SMARCA2: variants seen among roughly 807,000 people sequenced by gnomAD.
SMARCA2 encodes the protein SWI/SNF-related matrix-associated actin-dependent regulator of chromatin subfamily A member 2.
Under a neutral mutation model 199.8 loss-of-function variants are expected in SMARCA2, and 61 were observed. That is an observed-to-expected ratio of 0.31 (90% CI 0.25 to 0.38). The LOEUF (loss-of-function observed/expected upper bound fraction) is 0.38. Ranked by LOEUF, SMARCA2 falls within the 10% of genes least tolerant of loss-of-function variation. The pLI, the probability that SMARCA2 is intolerant of heterozygous loss-of-function variation, is 1.00. For synonymous variants in SMARCA2, 935 were observed against 732.0 expected (o/e 1.28, Z -4.48); for missense variants, 1,344 against 2,012.2 (o/e 0.67, Z 6.35).
At chr9:2,149,468 C>T (rs565944270) in intron 27 of SMARCA2, among the ~76,000 whole-genome samples, 1 of 151,528 alleles carries the variant, frequency 6.6e-6, no homozygotes, top group Non-Finnish European at 1.5e-5. Context: ...TGCAGTGAGC[C>T]ACGAACATGC....
At chr9:2,062,127 TA>T (rs1254287933) in intron 9 of SMARCA2, among the ~76,000 whole-genome samples, 2 of 152,128 alleles carry the variant, frequency 1.3e-5, no homozygotes, top group African/African-American at 2.4e-5. Context: ...GATGGGGAAA[TA>T]AATCATATAA....
rs779055220 is a variant in SMARCA2, at chr9:2,192,919, A to G, written c.*180A>G. 1.8e-6 allele frequency: 1 copy of G among 567,806 alleles called. No individual in the cohort carries two copies. 35.2% of individuals were successfully genotyped at this position (567,806 alleles called of 1,614,324 possible). Reference sequence around the variant, plus strand: ...ATCATGGTGTAAAAAACACACACATACACAAATATTTGTAACATATTGTGA... The same window carrying G: ...ATCATGGTGTAAAAAACACACACATGCACAAATATTTGTAACATATTGTGA... On this transcript the variant is annotated 3_prime_UTR_variant, in exon 34 of 34. Coordinates refer to ENST00000349721, the MANE Select transcript of SMARCA2 (RefSeq NM_003070.5).
At chr9:2,047,030 C>T (rs1224304815) in intron 4 of SMARCA2, among the ~76,000 whole-genome samples, 199 bp from the exon 5 acceptor site, 1 of 150,464 alleles carries the variant, frequency 6.6e-6, no homozygotes, top group Non-Finnish European at 1.5e-5. Flanking sequence ...TTTCCTTTTA[C>T]CCCGTTCCCT....
chr9:2,116,614 T>C (rs55951047), intron 25 of SMARCA2, among the ~76,000 whole-genome samples: 1 of 152,196 alleles, frequency 6.6e-6, no homozygotes, highest in Admixed American at 6.5e-5. Flanking sequence ...AAATTCTGGT[T>C]AAACAGCCTT....
Position 2,119,668 on chromosome 9 carries a change from G to A in SMARCA2, c.3762+133G>A, listed in dbSNP as rs1477430709. The A allele has an allele frequency of 3.2e-6, 2 of 626,198 alleles. No homozygotes were observed. The highest frequency in any genetic ancestry group is 3.7e-5 in the African/African-American group (2 of 54,276). 38.8% of individuals were successfully genotyped at this position (626,198 alleles called of 1,614,324 possible). A position where few individuals can be genotyped will look rare whatever the true frequency, so the allele number is the denominator to read the frequency against. On this transcript the variant is annotated intron_variant, in intron 26 of 33. Coordinates refer to ENST00000349721, the MANE Select transcript of SMARCA2 (RefSeq NM_003070.5). This position sits in a 1 kb window ranked among gnomAD's most constrained non-coding sequence, Gnocchi z 4.6. ...CCTATGCCTTTCCTTCAGTTCAGAG[G>A]CTGCAAACTGGCTGGAGTTAGCCTG...
intron 27 of SMARCA2, among the ~76,000 whole-genome samples, chr9:2,134,698 TG>T (rs1043087448): frequency 3.3e-5 from 5 of 152,146 alleles, no homozygotes; most frequent in African/African-American, 1.2e-4. Flanking sequence ...AAAATGGATA[TG>T]TTGAAATCCT....
At chr9:2,116,443 T>C (rs1823221655) in intron 25 of SMARCA2, among the ~76,000 whole-genome samples, 1 of 146,256 alleles carries the variant, frequency 6.8e-6, no homozygotes, top group Non-Finnish European at 1.5e-5. Context: ...CAGAGCCCTC[T>C]CTCTCTTTTG....
chr9:2,124,362 C>T (rs1422341853), intron 27 of SMARCA2, among the ~76,000 whole-genome samples: 1 of 152,192 alleles, frequency 6.6e-6, no homozygotes, highest in African/African-American at 2.4e-5. Flanking sequence ...CGAGGTTTTA[C>T]TTCTGCAAGG....
At chr9:2,113,133 T>C (rs1823075919) in intron 24 of SMARCA2, among the ~76,000 whole-genome samples, 1 of 152,204 alleles carries the variant, frequency 6.6e-6, no homozygotes, top group Non-Finnish European at 1.5e-5. Flanking sequence ...CATTATCATG[T>C]TGAATCAAAA....
At chr9:2,090,377 A>C (rs943615288) in intron 19 of SMARCA2, among the ~76,000 whole-genome samples, 5 of 152,170 alleles carry the variant, frequency 3.3e-5, no homozygotes, top group Non-Finnish European at 5.9e-5. Flanking sequence ...AAAGGCAGCC[A>C]TGTTATCTTT....
At chr9:2,186,478 T>G (rs1827465609) in intron 32 of SMARCA2, among the ~76,000 whole-genome samples, 1 of 152,190 alleles carries the variant, frequency 6.6e-6, no homozygotes, top group Non-Finnish European at 1.5e-5. Context: ...GCTGGGCTCC[T>G]AGCAAACACT....
chr9:2,101,605 G>T lies in SMARCA2; in HGVS notation c.3114G>T (p.Gly1038=), dbSNP rs1453955733. The T allele has an allele frequency of 6.5e-7, 1 of 1,542,242 alleles. No individual in the cohort carries two copies. The part of the protein sequence containing the change: ...SFAEHLGYSN[G]VINGAELYRA... ...CTGAACACCTAGGCTATTCAAATGG[G>T]GTCATCAATGGGTAAATCTCAAATT... is the stretch of plus-strand genomic sequence containing the variant. Residue 1038 remains glycine, a synonymous_variant, in exon 22 of 34, where the codon GGG becomes GGT. Transcript: ENST00000349721.
At chr9:2,061,786 A>G (rs1014285405) in intron 9 of SMARCA2, among the ~76,000 whole-genome samples, 7 of 152,228 alleles carry the variant, frequency 4.6e-5, no homozygotes, top group African/African-American at 1.7e-4. Flanking sequence ...CATTCTGTAT[A>G]CTGAATAAGT....
intron 28 of SMARCA2, among the ~76,000 whole-genome samples, chr9:2,164,104 G>GT (rs1459277072): frequency 2.0e-5 from 3 of 152,112 alleles, no homozygotes; most frequent in Non-Finnish European, 4.4e-5. Context: ...CCGTCACTCT[G>GT]TATCATCTCT....
In SMARCA2 at chr9:2,161,629, T is replaced by A; in HGVS notation, c.3982-57T>A. On this transcript the variant is annotated intron_variant, in intron 27 of 33. Transcript: ENST00000349721. This position sits in a 1 kb window ranked among gnomAD's most constrained non-coding sequence, Gnocchi z 4.7. ...GCTATATATAAATATACACATACTT[T>A]TTTTGTCTTGGTTATTCTCTTGTCT... 3.3e-6 allele frequency: 4 copies of A among 1,216,106 alleles called. No homozygotes were observed. The highest frequency in any genetic ancestry group is 4.8e-6 in the Non-Finnish European group (4 of 837,742). The allele number at this position is 1,216,106 out of a possible 1,614,324, so 75.3% of individuals were successfully genotyped here.
chr9:2,035,007 C>CCTTT (rs1419717789), intron 3 of SMARCA2, among the ~76,000 whole-genome samples: 2 of 134,584 alleles, frequency 1.5e-5, no homozygotes, highest in Non-Finnish European at 3.3e-5. Context: ...CTAATATAAG[C>CCTTT]CTTTATTTAT....
chr9:2,025,213 A>T (rs1456846709), intron 1 of SMARCA2, among the ~76,000 whole-genome samples: 1 of 152,130 alleles, frequency 6.6e-6, no homozygotes, highest in African/African-American at 2.4e-5. Context: ...GTAAGGACGA[A>T]ATCAAGACAG....
chr9:2,162,139 TTAAAA>T (rs1196422416), intron 28 of SMARCA2, among the ~76,000 whole-genome samples: 2 of 152,214 alleles, frequency 1.3e-5, no homozygotes, highest in Non-Finnish European at 2.9e-5. Flanking sequence ...TACAAAATGT[TTAAAA>T]TATCTAAATT....
At chr9:2,073,081 A>T in intron 10 of SMARCA2, 131 bp from the exon 11 acceptor site, 1 of 1,020,096 alleles carries the variant, frequency 9.8e-7, no homozygotes, top group Non-Finnish European at 1.4e-6. Flanking sequence ...AACACTCATT[A>T]GGTAGTGAAA....
Sources: gnomAD v4.1 joint callset for allele counts (sites outside exome capture counted in the v4.1 genomes callset) on GRCh38, gnomAD v4.1.1 for gene constraint, Gnocchi (gnomAD v3.1) non-coding constraint, MANE v1.5 for transcripts, NCBI Gene and HGNC (gene_info 2026-07-23, HGNC 2026-07-21) for gene names.